The following SCN10A variants were observed in gnomAD, a reference collection of about 807,000 sequenced individuals.
SCN10A encodes the protein sodium channel protein type 10 subunit alpha.
A neutral mutation model predicts 170.7 loss-of-function variants in SCN10A; 162 were observed. The observed-to-expected ratio is 0.95, with a 90% CI of 0.84 to 1.08. SCN10A has a LOEUF of 1.08. Ranked by LOEUF, SCN10A falls within the 50% of genes least tolerant of loss-of-function variation. The pLI, the probability that SCN10A is intolerant of heterozygous loss-of-function variation, is 0.00. For synonymous variants in SCN10A, 985 were observed against 904.6 expected, an observed-to-expected ratio of 1.09 and a Z score of -1.59; for missense variants, 2,527 against 2,436.9, an observed-to-expected ratio of 1.04 and a Z score of -0.78.
At chr3:38,763,002 C>T (rs1274845805) in intron 6 of SCN10A, among the ~76,000 whole-genome samples, 1 of 152,046 alleles carries the variant, frequency 6.6e-6, no homozygotes, top group African/African-American at 2.4e-5. Context: ...ACACAATGAG[C>T]TTTGATGGAC....
At chr3:38,714,342 G>A (rs2063309158) in intron 21 of SCN10A, among the ~76,000 whole-genome samples, 1 of 152,208 alleles carries the variant, frequency 6.6e-6, no homozygotes, top group Admixed American at 6.5e-5. Flanking sequence ...CTGGTACGTA[G>A]GTGGCCAAGC....
chr3:38,727,134 G>T, intron 16 of SCN10A, 82 bp from the exon 17 acceptor site: 1 of 1,343,356 alleles, frequency 7.4e-7, no homozygotes, highest in Admixed American at 1.8e-5. Context: ...CAGCTGGCTG[G>T]CAAGACAGCC....
intron 1 of SCN10A, among the ~76,000 whole-genome samples, chr3:38,801,175 A>G (rs1053582565): frequency 1.3e-5 from 2 of 152,280 alleles, no homozygotes; most frequent in Admixed American, 6.5e-5. Flanking sequence ...CACAACAATC[A>G]TAAACTCGCT....
chr3:38,725,975 G>A (rs919740872), intron 17 of SCN10A, among the ~76,000 whole-genome samples: 1 of 152,230 alleles, frequency 6.6e-6, no homozygotes, highest in African/African-American at 2.4e-5. Context: ...AGCCCTGCAT[G>A]TTCCTGAGGC....
In SCN10A at chr3:38,727,059, A is replaced by T; in HGVS notation, c.2641-7T>A. ...CGATGAACAGGTTAAGCACCTGAAG[A>T]GAAGGAATGGAAGGGAAGATTGATC... On this transcript the variant is annotated splice_region_variant and splice_polypyrimidine_tract_variant and intron_variant, in intron 16 of 27. Transcript: ENST00000449082. 4 of 1,597,558 alleles carry T rather than the reference A, an allele frequency of 2.5e-6. No homozygotes were observed. The highest frequency in any genetic ancestry group is 3.4e-6 in the Non-Finnish European group (4 of 1,166,222).
intron 4 of SCN10A, among the ~76,000 whole-genome samples, chr3:38,774,211 T>G (rs2064043681): frequency 6.6e-6 from 1 of 152,034 alleles, no homozygotes; most frequent in African/African-American, 2.4e-5. Context: ...CTTGTTGGTT[T>G]CCCCCCCACA....
intron 26 of SCN10A, among the ~76,000 whole-genome samples, chr3:38,702,338 T>C (rs1399287364): frequency 6.6e-6 from 1 of 152,238 alleles, no homozygotes; most frequent in Non-Finnish European, 1.5e-5. Context: ...CCTTCTTTTG[T>C]CCTGGTCTGT....
intron 4 of SCN10A, among the ~76,000 whole-genome samples, chr3:38,776,621 T>A (rs2064078450): frequency 6.6e-6 from 1 of 152,098 alleles, no homozygotes; most frequent in African/African-American, 2.4e-5. Flanking sequence ...ATCTTACATG[T>A]TAGATTTTAA....
chr3:38,763,534 C>T lies in SCN10A; in HGVS notation c.662G>A (p.Arg221Lys). Reference protein sequence around the residue: ...ISGLRTFRVLRALKTVSVIPG... With the variant: ...ISGLRTFRVLKALKTVSVIPG... ...GATCACAGAAACTGTTTTTAATGCTCTAAGAACTCTGAATGTCCGCAGGCC... is the reference window on the plus strand; with the variant it reads ...GATCACAGAAACTGTTTTTAATGCTTTAAGAACTCTGAATGTCCGCAGGCC... The change falls in exon 6 of 28, where the codon AGA becomes AAA. Residue 221 changes from arginine (R) to lysine (K), a missense_variant. Arg to Lys is a conservative substitution (Grantham distance 26). Coordinates refer to ENST00000449082, the MANE Select transcript of SCN10A (RefSeq NM_006514.4). The T allele has an allele frequency of 6.2e-7, 1 of 1,614,064 alleles. No individual in the cohort carries two copies. Among genetic ancestry groups the T allele is most frequent in the Non-Finnish European group, 8.5e-7 (1 of 1,179,952 alleles).
intron 3 of SCN10A, among the ~76,000 whole-genome samples, chr3:38,790,410 A>C (rs2064265848): frequency 6.6e-6 from 1 of 151,970 alleles, no homozygotes; most frequent in South Asian, 2.1e-4. Flanking sequence ...CCAAGCAATT[A>C]TTTACTCATC....
At chr3:38,744,597 A>G (rs567924525) in intron 13 of SCN10A, among the ~76,000 whole-genome samples, 2 of 151,872 alleles carry the variant, frequency 1.3e-5, no homozygotes, top group East Asian at 3.9e-4. Flanking sequence ...AGCTTTTCTC[A>G]CTACAAGGCT....
chr3:38,804,986 G>C (rs935671074), intron 1 of SCN10A, among the ~76,000 whole-genome samples: 1 of 152,168 alleles, frequency 6.6e-6, no homozygotes, highest in Non-Finnish European at 1.5e-5. Flanking sequence ...TAGTCATGTA[G>C]ACTCAGAGGG....
At chr3:38,718,908 C>G in intron 20 of SCN10A, 82 bp from the exon 21 acceptor site, 1 of 1,305,754 alleles carries the variant, frequency 7.7e-7, no homozygotes, top group South Asian at 1.4e-5. Flanking sequence ...AGGACCCAGC[C>G]AGCCCTGACC....
intron 27 of SCN10A, among the ~76,000 whole-genome samples, chr3:38,700,515 G>T (rs1012346462): frequency 6.6e-6 from 1 of 152,194 alleles, no homozygotes; most frequent in Non-Finnish European, 1.5e-5. Flanking sequence ...GGCATTGATG[G>T]TGGTGATGGT....
chr3:38,747,598 G>A (rs2063704980), intron 13 of SCN10A, among the ~76,000 whole-genome samples: 1 of 152,170 alleles, frequency 6.6e-6, no homozygotes, highest in South Asian at 2.1e-4. Context: ...TGTACCATAA[G>A]TGGAAGAGCT....
chr3:38,761,167 TC>T lies in SCN10A; in HGVS notation c.883+24del, dbSNP rs528166781. On this transcript the variant is annotated intron_variant, in intron 7 of 27. Coordinates refer to ENST00000449082, the MANE Select transcript of SCN10A (RefSeq NM_006514.4). ...TACCAAGGGTCCAACCAGACCTTGG[TC>T]CCTATGGAAGAGACTCCACTCACGT... 78 of 1,536,590 alleles carry T rather than the reference TC, an allele frequency of 5.1e-5. 2 individuals carry two copies. The South Asian group carries it at 9.1e-4, about 18-fold the overall frequency.
chr3:38,769,005 G>A (rs541681008), intron 5 of SCN10A, among the ~76,000 whole-genome samples: 8 of 151,958 alleles, frequency 5.3e-5, no homozygotes, highest in South Asian at 2.1e-4. Context: ...CTTTGTCTTC[G>A]AGCTCTGAAG....
chr3:38,756,144 T>C lies in SCN10A; in HGVS notation c.1291-186A>G, dbSNP rs138584614. Among the ~76,000 whole-genome samples the C allele has an allele frequency of 2.0e-5, 3 of 152,252 alleles. No homozygotes were observed. In the East Asian group the frequency reaches 5.8e-4, roughly 29 times the overall value. On this transcript the variant is annotated intron_variant, in intron 10 of 27. Transcript: ENST00000449082. ...ACCTCGGGTCACCCCCACTCATTCA[T>C]GGGGTACTCTGTTGGTGCCCCACCC...
At chr3:38,799,208 T>C (rs1011841854) in intron 1 of SCN10A, among the ~76,000 whole-genome samples, 3 of 152,154 alleles carry the variant, frequency 2.0e-5, no homozygotes, top group Admixed American at 6.5e-5. Flanking sequence ...ACAGATTAGC[T>C]ATAGGGCCAA....
Sources: allele counts gnomAD v4.1 joint callset (sites outside exome capture counted in the v4.1 genomes callset), GRCh38; gene constraint gnomAD v4.1.1; transcripts MANE v1.5; gene names NCBI Gene and HGNC (gene_info 2026-07-23, HGNC 2026-07-21).